HNRNPA1L2: variants seen among roughly 807,000 people sequenced by gnomAD.
The protein encoded by HNRNPA1L2 is heterogeneous nuclear ribonucleoprotein A1-like 2.
In HNRNPA1L2, 10 loss-of-function variants were observed where a neutral mutation model predicts 18.2. The observed-to-expected ratio is 0.55, with a 90% CI of 0.34 to 0.93. The LOEUF is 0.93. Ranked by LOEUF, HNRNPA1L2 falls within the 40% of genes least tolerant of loss-of-function variation. The pLI, the probability that HNRNPA1L2 is intolerant of heterozygous loss-of-function variation, is 0.02. For missense variants in HNRNPA1L2, 308 were observed against 394.4 expected (o/e 0.78, Z 1.85); for synonymous variants, 124 against 138.6 (o/e 0.89, Z 0.74).
the HNRNPA1L2 span, among the ~76,000 whole-genome samples, chr13:52,632,883 GT>G: frequency 6.6e-6 from 1 of 152,210 alleles, no homozygotes; most frequent in Non-Finnish European, 1.5e-5. Context: ...GTCCTGGGAT[GT>G]TTGGGTTCTC....
the HNRNPA1L2 span, among the ~76,000 whole-genome samples, chr13:52,629,774 T>G: frequency 6.6e-6 from 1 of 152,308 alleles, no homozygotes; most frequent in African/African-American, 2.4e-5. Context: ...CTTAGAGAAA[T>G]GACCCACCAT....
At chr13:52,639,067 C>T (rs1450577557), upstream of HNRNPA1L2, among the ~76,000 whole-genome samples, 2 of 152,212 alleles carry the variant, frequency 1.3e-5, no homozygotes, top group Non-Finnish European at 2.9e-5. Context: ...GAGCACTTCA[C>T]ATGCAGACGG....
the HNRNPA1L2 span, among the ~76,000 whole-genome samples, chr13:52,633,467 G>T: frequency 6.6e-6 from 1 of 152,138 alleles, no homozygotes; most frequent in South Asian, 2.1e-4. Flanking sequence ...AATAAATGAA[G>T]AAACTCAGTA....
upstream of HNRNPA1L2, among the ~76,000 whole-genome samples, chr13:52,639,561 G>T (rs1961575265): frequency 6.6e-6 from 1 of 152,090 alleles, no homozygotes; most frequent in Non-Finnish European, 1.5e-5. Flanking sequence ...AGTTCAGAGG[G>T]CAAGGAAGCA....
At chr13:52,626,399 T>G in the HNRNPA1L2 span, among the ~76,000 whole-genome samples, 101 of 149,084 alleles carry the variant, frequency 6.8e-4, no homozygotes, top group African/African-American at 2.4e-3. Flanking sequence ...GAGGCCAGAC[T>G]TCACGACATA....
upstream of HNRNPA1L2, chr13:52,640,655 T>C (rs1243494112): frequency 2.4e-4 from 37 of 152,206 alleles, no homozygotes; most frequent in Admixed American, 2.4e-3. Context: ...TGACAGAATA[T>C]AATGTCTGCC....
the HNRNPA1L2 span, among the ~76,000 whole-genome samples, chr13:52,621,767 G>A: frequency 1.3e-5 from 2 of 152,120 alleles, no homozygotes; most frequent in African/African-American, 4.8e-5. Flanking sequence ...GGAGACCTTA[G>A]GGAGTTAATG....
At chr13:52,625,356 C>T in the HNRNPA1L2 span, among the ~76,000 whole-genome samples, 2 of 152,182 alleles carry the variant, frequency 1.3e-5, no homozygotes, top group South Asian at 2.1e-4. Context: ...CTCAGGTGAT[C>T]CACCTGCCTC....
At chr13:52,639,888 T>G (rs199843720), upstream of HNRNPA1L2, among the ~76,000 whole-genome samples, 67 of 100,954 alleles carry the variant, frequency 6.6e-4, no homozygotes, top group Middle Eastern at 5.0e-3. Context: ...TTTTTTTTTT[T>G]TTTTTTTGTT....
chr13:52,629,814 G>T, the HNRNPA1L2 span, among the ~76,000 whole-genome samples: 20 of 152,314 alleles, frequency 1.3e-4, no homozygotes, highest in African/African-American at 4.6e-4. Flanking sequence ...CGTAGGCTGG[G>T]CATGGTGGCT....
At chr13:52,620,528 G>A in the HNRNPA1L2 span, among the ~76,000 whole-genome samples, 1 of 152,222 alleles carries the variant, frequency 6.6e-6, no homozygotes, top group African/African-American at 2.4e-5. Flanking sequence ...TGTTAGAAAT[G>A]CAAATTCTCA....
the HNRNPA1L2 span, among the ~76,000 whole-genome samples, chr13:52,635,529 C>T: frequency 2.6e-5 from 4 of 151,320 alleles, no homozygotes; most frequent in Admixed American, 6.6e-5. Context: ...TAGATACACC[C>T]GTGAAACTGC....
chr13:52,628,095 G>C, the HNRNPA1L2 span, among the ~76,000 whole-genome samples: 2 of 152,118 alleles, frequency 1.3e-5, no homozygotes, highest in Non-Finnish European at 2.9e-5. Context: ...ATTTTGGAGA[G>C]TGATCTAAAT....
rs770794311 is a variant in HNRNPA1L2, at chr13:52,643,197, TG to T, written c.707del (p.Gly236AspfsTer41). ...GGFGGSCGGG[G>X]YGGSGDGYNG... is the part of the protein sequence containing the mutation. ...GCTTTGGTGGCAGCTGTGGTGGTGG[TG>T]GATATGGTGGCAGTGGGGATGGCTA... On this transcript the variant is annotated frameshift_variant, in exon 1 of 1. Coordinates refer to ENST00000357495, the MANE Select transcript of HNRNPA1L2 (RefSeq NM_001389320.1). LOFTEE classifies it high-confidence loss of function. 6.3e-7 allele frequency: 1 copy of T among 1,597,468 alleles called. No homozygotes were observed.
chr13:52,625,735 A>G, the HNRNPA1L2 span, among the ~76,000 whole-genome samples: 2 of 152,226 alleles, frequency 1.3e-5, no homozygotes, highest in African/African-American at 4.8e-5. Context: ...TTCACAGATA[A>G]CAGTTCTGAA....
At chr13:52,619,987 A>G in the HNRNPA1L2 span, among the ~76,000 whole-genome samples, 1 of 150,648 alleles carries the variant, frequency 6.6e-6, no homozygotes, top group African/African-American at 2.4e-5. Context: ...ATTGAATATT[A>G]TGAGAGTCCT....
the HNRNPA1L2 span, among the ~76,000 whole-genome samples, chr13:52,634,427 T>C: frequency 6.6e-6 from 1 of 152,210 alleles, no homozygotes; most frequent in African/African-American, 2.4e-5. Flanking sequence ...GATTATACTC[T>C]AGTGAGGAAA....
chr13:52,618,431 A>G, the HNRNPA1L2 span, among the ~76,000 whole-genome samples: 3 of 152,362 alleles, frequency 2.0e-5, no homozygotes, highest in South Asian at 6.2e-4. Context: ...AACACTCAGA[A>G]GCCAGTTAAG....
chr13:52,633,626 A>G, the HNRNPA1L2 span, among the ~76,000 whole-genome samples: 6 of 152,156 alleles, frequency 3.9e-5, no homozygotes, highest in African/African-American at 1.4e-4. Flanking sequence ...AGCCTGGGCA[A>G]CATAGTGAGA....
Sources: gnomAD v4.1 joint callset for allele counts (sites outside exome capture counted in the v4.1 genomes callset) on GRCh38, gnomAD v4.1.1 for gene constraint, MANE v1.5 for transcripts, NCBI Gene and HGNC (gene_info 2026-07-23, HGNC 2026-07-21) for gene names.